REDIC1: variants seen among roughly 807,000 people sequenced by gnomAD.
REDIC1 encodes the protein HEI10 Interacting Protein 1.
the REDIC1 span, among the ~76,000 whole-genome samples, chr12:39,896,480 G>A: frequency 2.1e-5 from 3 of 145,296 alleles, no homozygotes; most frequent in Non-Finnish European, 3.0e-5. Flanking sequence ...ATATGTATAT[G>A]TGTATATATG....
At chr12:39,810,069 G>A in the REDIC1 span, among the ~76,000 whole-genome samples, 1 of 152,186 alleles carries the variant, frequency 6.6e-6, no homozygotes, top group East Asian at 1.9e-4. Context: ...CTAGATCCCT[G>A]AGGAATCGCC....
At chr12:39,719,511 G>A in the REDIC1 span, among the ~76,000 whole-genome samples, 1 of 151,892 alleles carries the variant, frequency 6.6e-6, no homozygotes, top group Non-Finnish European at 1.5e-5. Flanking sequence ...TTACTGGAGA[G>A]GCTGAGGTGG....
At chr12:39,853,359 T>C in the REDIC1 span, among the ~76,000 whole-genome samples, 3 of 152,106 alleles carry the variant, frequency 2.0e-5, no homozygotes, top group African/African-American at 4.8e-5. Flanking sequence ...GGTTATGATA[T>C]ACTATCTTTA....
chr12:39,847,900 G>A, the REDIC1 span, among the ~76,000 whole-genome samples: 15 of 152,060 alleles, frequency 9.9e-5, no homozygotes, highest in Non-Finnish European at 1.5e-4. Flanking sequence ...ACTTGTGTAC[G>A]GGTTCAAAAT....
chr12:39,837,168 C>T, the REDIC1 span, among the ~76,000 whole-genome samples: 4 of 134,470 alleles, frequency 3.0e-5, no homozygotes, highest in Admixed American at 1.6e-4. Context: ...CAGAACAGAG[C>T]CCTCAGAAAT....
the REDIC1 span, among the ~76,000 whole-genome samples, chr12:39,866,967 T>C: frequency 6.6e-6 from 1 of 152,184 alleles, no homozygotes; most frequent in African/African-American, 2.4e-5. Context: ...AAATCACAGT[T>C]TGTTTAACTA....
chr12:39,872,910 G>T, the REDIC1 span, among the ~76,000 whole-genome samples: 1 of 152,142 alleles, frequency 6.6e-6, no homozygotes, highest in East Asian at 1.9e-4. Flanking sequence ...TCAGACAGTG[G>T]TCATCCAAGC....
the REDIC1 span, among the ~76,000 whole-genome samples, chr12:39,768,518 T>C: frequency 1.3e-4 from 20 of 152,136 alleles, no homozygotes; most frequent in Non-Finnish European, 1.8e-4. Context: ...GTCGTGCTAC[T>C]ATTCCTATCA....
chr12:39,831,617 C>T, the REDIC1 span, among the ~76,000 whole-genome samples: 1 of 151,868 alleles, frequency 6.6e-6, no homozygotes, highest in Non-Finnish European at 1.5e-5. Context: ...AATTGTAATC[C>T]CCAAAGTTGG....
At chr12:39,677,037 A>G in the REDIC1 span, among the ~76,000 whole-genome samples, 1 of 151,944 alleles carries the variant, frequency 6.6e-6, no homozygotes, top group Non-Finnish European at 1.5e-5. Flanking sequence ...GAAAAAAAAA[A>G]AAACACCAAG....
the REDIC1 span, among the ~76,000 whole-genome samples, chr12:39,867,302 C>G: frequency 2.2e-4 from 34 of 152,044 alleles, no homozygotes; most frequent in Non-Finnish European, 4.4e-4. Flanking sequence ...ATTAAATAAC[C>G]TGTCTCCATG....
At chr12:39,671,630 C>G in the REDIC1 span, among the ~76,000 whole-genome samples, 1 of 151,974 alleles carries the variant, frequency 6.6e-6, no homozygotes, top group African/African-American at 2.4e-5. Flanking sequence ...GACGGACAAC[C>G]CTCAGGTTTC....
chr12:39,674,179 C>T, the REDIC1 span, among the ~76,000 whole-genome samples: 2 of 152,020 alleles, frequency 1.3e-5, no homozygotes, highest in Non-Finnish European at 2.9e-5. Context: ...AGAAGAATCT[C>T]TTCTTTCTTC....
At chr12:39,735,220 G>T in the REDIC1 span, among the ~76,000 whole-genome samples, 1 of 152,304 alleles carries the variant, frequency 6.6e-6, no homozygotes, top group East Asian at 1.9e-4. Context: ...AACATTGTTA[G>T]TGAAGGTCTA....
the REDIC1 span, among the ~76,000 whole-genome samples, chr12:39,629,396 A>C: frequency 5.9e-5 from 9 of 152,230 alleles, no homozygotes; most frequent in Non-Finnish European, 1.2e-4. Flanking sequence ...ACCAGATTGC[A>C]TACACTAATT....
chr12:39,793,094 T>C, the REDIC1 span, among the ~76,000 whole-genome samples: 1 of 152,210 alleles, frequency 6.6e-6, no homozygotes, highest in African/African-American at 2.4e-5. Context: ...TACCATCATA[T>C]ATGTAGAAAA....
chr12:39,684,349 T>C, the REDIC1 span: 5 of 757,936 alleles, frequency 6.6e-6, no homozygotes, highest in Non-Finnish European at 8.0e-6. Flanking sequence ...AATTACAATT[T>C]AGCCAAATCT....
the REDIC1 span, chr12:39,720,873 T>G: frequency 6.2e-7 from 1 of 1,613,248 alleles, no homozygotes; most frequent in Non-Finnish European, 8.5e-7. Flanking sequence ...TGAATAATTT[T>G]TATGTAGAAA....
chr12:39,798,563 T>C, the REDIC1 span, among the ~76,000 whole-genome samples: 1 of 152,240 alleles, frequency 6.6e-6, no homozygotes, highest in African/African-American at 2.4e-5. Context: ...GCGCTTCAAC[T>C]GTTTCTAACT....
Sources: allele counts gnomAD v4.1 joint callset (sites outside exome capture counted in the v4.1 genomes callset), GRCh38; gene constraint gnomAD v4.1.1; transcripts MANE v1.5; gene names NCBI Gene and HGNC (gene_info 2026-07-23, HGNC 2026-07-21).